CDH13: variants seen among roughly 807,000 people sequenced by gnomAD.
CDH13 encodes the protein cadherin 13, also known as cadherin-13.
In CDH13, 24 loss-of-function variants were observed where a neutral mutation model predicts 63.8. The ratio of observed to expected loss-of-function variants is 0.38; its 90% CI spans 0.27 to 0.53. The LOEUF is 0.53. CDH13 is among the 20% of genes least tolerant of loss of function. The probability of loss-of-function intolerance (pLI) is 0.85; values close to 1 mark genes in which losing one functional copy is unlikely to be tolerated. For synonymous variants in CDH13, 503 were observed against 355.3 expected, an observed-to-expected ratio of 1.42 and a Z score of -4.67; for missense variants, 1,049 against 903.1, an observed-to-expected ratio of 1.16 and a Z score of -2.07.
At chr16:83,068,923 C>T (rs1022922900) in intron 3 of CDH13, among the ~76,000 whole-genome samples, 3 of 152,056 alleles carry the variant, frequency 2.0e-5, no homozygotes, top group Non-Finnish European at 2.9e-5. Flanking sequence ...TGATTGCCAC[C>T]CACTGGTTAA....
chr16:83,650,437 T>A (rs1284621332), intron 8 of CDH13, among the ~76,000 whole-genome samples: 1 of 152,188 alleles, frequency 6.6e-6, no homozygotes, highest in Non-Finnish European at 1.5e-5. Context: ...ACCAAATAAG[T>A]GATAACTCTT....
intron 10 of CDH13, among the ~76,000 whole-genome samples, chr16:83,743,724 G>C (rs1912272341): frequency 8.2e-6 from 1 of 121,494 alleles, no homozygotes; most frequent in Non-Finnish European, 1.7e-5. Context: ...CTTGCTACCT[G>C]ATGAGTTGCC....
chr16:83,261,789 T>G (rs896782914), intron 5 of CDH13, among the ~76,000 whole-genome samples: 2 of 151,896 alleles, frequency 1.3e-5, no homozygotes, highest in African/African-American at 4.8e-5. Context: ...AACCCAGATC[T>G]GTGGGGTACC....
At chr16:82,812,251 A>T (rs901712734) in intron 1 of CDH13, among the ~76,000 whole-genome samples, 1 of 152,136 alleles carries the variant, frequency 6.6e-6, no homozygotes. Context: ...ATCTTGCTGG[A>T]TCTGCAGGTC....
intron 8 of CDH13, among the ~76,000 whole-genome samples, chr16:83,666,796 C>T (rs368259995): frequency 1.3e-5 from 2 of 152,092 alleles, no homozygotes; most frequent in East Asian, 1.9e-4. Context: ...CCTCTCCAGA[C>T]TGGATCAGAT....
intron 7 of CDH13, among the ~76,000 whole-genome samples, chr16:83,555,124 G>A (rs1485016957): frequency 6.6e-6 from 1 of 151,990 alleles, no homozygotes; most frequent in East Asian, 1.9e-4. Flanking sequence ...GAGCTACTTT[G>A]GTACTTCATC....
intron 2 of CDH13, among the ~76,000 whole-genome samples, chr16:82,882,182 T>C (rs2040726706): frequency 6.6e-6 from 1 of 152,230 alleles, no homozygotes; most frequent in Non-Finnish European, 1.5e-5. Context: ...GTTACTGCCA[T>C]GGTGTGAATA....
intron 10 of CDH13, among the ~76,000 whole-genome samples, chr16:83,680,722 G>A (rs1915335781): frequency 6.6e-6 from 1 of 152,102 alleles, no homozygotes. Context: ...TCTCTAGCCA[G>A]TGTAATCATC....
At chr16:82,824,078 A>T (rs1597712324) in intron 1 of CDH13, 1 of 152,324 alleles carries the variant, frequency 6.6e-6, no homozygotes, top group East Asian at 1.9e-4. Context: ...TCATACCAAG[A>T]AGCAGAGAGG....
chr16:83,188,363 G>T (rs994101383), intron 4 of CDH13, among the ~76,000 whole-genome samples: 20 of 152,182 alleles, frequency 1.3e-4, no homozygotes, highest in Admixed American at 5.9e-4. Context: ...AATTTGAAAA[G>T]ATTTGTCGGG....
At chr16:82,842,260 G>A (rs924741317) in intron 1 of CDH13, among the ~76,000 whole-genome samples, 1 of 150,074 alleles carries the variant, frequency 6.7e-6, no homozygotes, top group African/African-American at 2.5e-5. Flanking sequence ...CAAAGACAAG[G>A]AATTTTTTAA....
chr16:83,621,652 A>C (rs1353269334), intron 8 of CDH13, among the ~76,000 whole-genome samples: 4 of 151,500 alleles, frequency 2.6e-5, no homozygotes, highest in Admixed American at 1.3e-4. Context: ...ATACCCGGCT[A>C]ATTTTTGTAT....
rs1156417866 is a variant in CDH13 at position 83,047,895 on chromosome 16, G to T, written c.366+15677G>T. ...TTCATTTTACAGGTGAATAAAGGAA[G>T]ACGGGGAGACTATGTGTGACCAGCA... On this transcript the variant is annotated intron_variant, in intron 3 of 13. Coordinates refer to ENST00000567109, the MANE Select transcript of CDH13 (RefSeq NM_001257.5). The surrounding 1 kb of genome is among the most constrained non-coding windows in gnomAD (Gnocchi z 4.9). Among the ~76,000 whole-genome samples the T allele has an allele frequency of 1.3e-5, 2 of 152,290 alleles. No individual in the cohort carries two copies. The highest frequency in any genetic ancestry group is 4.1e-4 in the South Asian group (2 of 4,820).
chr16:83,792,114 G>A (rs539247347), intron 13 of CDH13, among the ~76,000 whole-genome samples: 4 of 152,150 alleles, frequency 2.6e-5, no homozygotes, highest in Non-Finnish European at 4.4e-5. Flanking sequence ...ATTGCGAAAC[G>A]TATTATGGAC....
chr16:83,171,457 GCTTTT>G lies in CDH13; in HGVS notation c.484-45885_484-45881del, dbSNP rs754765796. ...GACACAGATCCAAACCATATCAAAA[GCTTTT>G]CTAATTAGGTTACTCATTCTATGAA... On this transcript the variant is annotated intron_variant, in intron 4 of 13. Transcript: ENST00000567109. 5.9e-4 allele frequency: 789 copies of G among 1,328,056 alleles called. 2 individuals carry two copies. Among genetic ancestry groups the G allele is most frequent in the Non-Finnish European group, 7.2e-4 (686 of 959,398 alleles). The allele number at this position is 1,328,056 out of a possible 1,614,324, so 82.3% of individuals were successfully genotyped here.
intron 6 of CDH13, among the ~76,000 whole-genome samples, chr16:83,437,531 G>T (rs1053254410): frequency 6.6e-6 from 1 of 151,952 alleles, no homozygotes; most frequent in Non-Finnish European, 1.5e-5. Context: ...CAAAAAATTA[G>T]CTGGGCGTAG....
intron 1 of CDH13, among the ~76,000 whole-genome samples, chr16:82,649,901 C>T (rs11866677): frequency 0.22 from 33,790 of 152,034 alleles, 5,146 homozygotes; most frequent in African/African-American, 0.43. Flanking sequence ...CCTGGGGTTC[C>T]TGAGAGGAGG....
At chr16:83,232,482 G>A (rs532251037) in intron 5 of CDH13, among the ~76,000 whole-genome samples, 12 of 150,320 alleles carry the variant, frequency 8.0e-5, no homozygotes, top group East Asian at 2.0e-4. Flanking sequence ...CCAAGATTGC[G>A]CCAGCTGCAC....
chr16:83,262,143 A>T (rs936195448), intron 5 of CDH13, among the ~76,000 whole-genome samples: 1 of 152,218 alleles, frequency 6.6e-6, no homozygotes, highest in Non-Finnish European at 1.5e-5. Context: ...TTGTCTTTTA[A>T]TATTCAGTCA....
Sources: allele counts gnomAD v4.1 joint callset (sites outside exome capture counted in the v4.1 genomes callset), GRCh38; gene constraint gnomAD v4.1.1; non-coding constraint Gnocchi (gnomAD v3.1); transcripts MANE v1.5; gene names NCBI Gene and HGNC (gene_info 2026-07-23, HGNC 2026-07-21).